Variants in MLIP observed in about 807,000 individuals in gnomAD.
MLIP encodes the protein muscular LMNA-interacting protein.
Under a neutral mutation model 84.8 loss-of-function variants are expected in MLIP, and 79 were observed. The ratio of observed to expected loss-of-function variants is 0.93; its 90% CI spans 0.78 to 1.12. The LOEUF (loss-of-function observed/expected upper bound fraction) is 1.12, where lower values mean the gene tolerates loss of function less well. MLIP is among the 50% of genes most tolerant of loss of function. MLIP has a pLI of 0.00. For missense variants in MLIP, 1,257 were observed against 1,160.6 expected (o/e 1.08, Z -1.21); for synonymous variants, 504 against 463.0 (o/e 1.09, Z -1.14).
At position 54,101,983 on chromosome 6, in the gene MLIP, C is replaced by CTA. The variant is rs568984759; in HGVS notation, c.64-19464_64-19463insTA. Among the ~76,000 whole-genome samples the CTA allele has an allele frequency of 5.9e-4, 89 of 151,988 alleles. No homozygotes were observed. In the East Asian group the frequency reaches 7.7e-3, roughly 13 times the overall value. The stretch of plus-strand genomic sequence containing the variant: ...CGAGTGTAGTTCTCCTGGGTAGGAA[C>CTA]CATATTAGAAAGAAGATCCTGGCTG... On this transcript the variant is annotated intron_variant, in intron 1 of 12. Transcript: ENST00000274897.
chr6:54,239,383 A>G (rs1208178905), intron 12 of MLIP, among the ~76,000 whole-genome samples: 2 of 146,938 alleles, frequency 1.4e-5, no homozygotes, highest in African/African-American at 5.0e-5. Context: ...TATATATATA[A>G]TATATATATA....
At chr6:54,076,445 C>T (rs1363818301) in intron 1 of MLIP, among the ~76,000 whole-genome samples, 1 of 152,198 alleles carries the variant, frequency 6.6e-6, no homozygotes, top group Non-Finnish European at 1.5e-5. Context: ...AACTGTATTG[C>T]AAAAGACTCT....
In MLIP at chr6:54,230,844, G is replaced by A. The variant is rs1582571399; in HGVS notation, c.2849G>A (p.Ser950Asn). The change falls in exon 12 of 14, where the codon AGT becomes AAT. Residue 950 changes from serine (S) to asparagine (N), a missense_variant. Ser to Asn is a conservative substitution (Grantham distance 46). Transcript: ENST00000502396. ...GACTGTCTTGCCCCAGGACCCTTCAGTCATCTGTCCTTCTCCTTGAGTGAT... is the reference window on the plus strand; with the variant it reads ...GACTGTCTTGCCCCAGGACCCTTCAATCATCTGTCCTTCTCCTTGAGTGAT... ...HADCLAPGPFSHLSFSLSDEQ... is the reference protein window; with the variant it reads ...HADCLAPGPFNHLSFSLSDEQ... 4.3e-6 allele frequency: 7 copies of A among 1,613,978 alleles called. No homozygotes were observed. Among genetic ancestry groups the A allele is most frequent in the Middle Eastern group, 3.3e-4 (2 of 6,062 alleles).
chr6:54,221,531 A>G (rs1227122891), intron 11 of MLIP, among the ~76,000 whole-genome samples: 3 of 113,190 alleles, frequency 2.7e-5, no homozygotes, highest in African/African-American at 7.8e-5. Context: ...CTTAAGCAAG[A>G]CACATAAGAC....
chr6:54,163,287 A>G (rs975265434), intron 8 of MLIP, among the ~76,000 whole-genome samples: 1 of 151,716 alleles, frequency 6.6e-6, no homozygotes, highest in Admixed American at 6.6e-5. Flanking sequence ...ATTTTCTCAG[A>G]GCAGCATATT....
chr6:54,148,100 T>C (rs1316353959), intron 4 of MLIP, among the ~76,000 whole-genome samples: 1 of 152,162 alleles, frequency 6.6e-6, no homozygotes, highest in Non-Finnish European at 1.5e-5. Flanking sequence ...TTGATGACAC[T>C]GTCTTCTGCA....
intron 4 of MLIP, among the ~76,000 whole-genome samples, chr6:54,139,578 C>T (rs189046241): frequency 9.2e-5 from 14 of 152,226 alleles, no homozygotes; most frequent in Admixed American, 2.0e-4. Context: ...GAGTCAGGAA[C>T]TATGCTAGTA....
At chr6:54,259,722 A>G (rs554339914) in intron 13 of MLIP, among the ~76,000 whole-genome samples, 29 of 152,030 alleles carry the variant, frequency 1.9e-4, no homozygotes, top group African/African-American at 7.0e-4. Flanking sequence ...GACAATACCT[A>G]TTATTAGTAA....
chr6:54,167,047 G>A (rs1456126273), intron 8 of MLIP, among the ~76,000 whole-genome samples: 3 of 151,720 alleles, frequency 2.0e-5, no homozygotes, highest in African/African-American at 2.4e-5. Context: ...AGAATATGTC[G>A]ACTATGATTA....
At chr6:54,190,354 C>T (rs1308256422) in intron 10 of MLIP, among the ~76,000 whole-genome samples, 1 of 152,106 alleles carries the variant, frequency 6.6e-6, no homozygotes, top group African/African-American at 2.4e-5. Flanking sequence ...CTGAGCAATA[C>T]AAACACAACG....
chr6:54,227,573 C>G (rs1384089854), intron 11 of MLIP, among the ~76,000 whole-genome samples: 1 of 152,118 alleles, frequency 6.6e-6, no homozygotes, highest in Non-Finnish European at 1.5e-5. Context: ...AAAAGAAATC[C>G]TGTGTGCTTC....
In MLIP at chr6:54,226,308, G is replaced by A. The variant is rs147920566; in HGVS notation, c.2719-4406G>A. ...CAGGGGACTAAGTGATGCTATAAGG[G>A]GTTAATGCCGACCCGCACTGTCTCT... On this transcript the variant is annotated intron_variant, in intron 11 of 13. Transcript: ENST00000502396. Among the ~76,000 whole-genome samples the A allele has an allele frequency of 2.0e-5, 3 of 152,242 alleles. No homozygotes were observed. The East Asian group carries it at 5.8e-4, about 29-fold the overall frequency.
chr6:54,150,475 C>T (rs150900126), intron 5 of MLIP, among the ~76,000 whole-genome samples: 92 of 152,276 alleles, frequency 6.0e-4, no homozygotes, highest in Non-Finnish European at 8.7e-4. Context: ...ACCACAGACT[C>T]TCTGCTTATT....
intron 11 of MLIP, among the ~76,000 whole-genome samples, chr6:54,221,504 A>G (rs1362595309): frequency 6.6e-6 from 1 of 151,632 alleles, no homozygotes; most frequent in Admixed American, 6.6e-5. Flanking sequence ...GGCAGGTTGA[A>G]TTCAGGCTAA....
At chr6:54,082,429 G>C (rs1276021095) in intron 1 of MLIP, among the ~76,000 whole-genome samples, 1 of 152,188 alleles carries the variant, frequency 6.6e-6, no homozygotes, top group Non-Finnish European at 1.5e-5. Flanking sequence ...CAGCATGGGT[G>C]AAACCACTCC....
intron 5 of MLIP, among the ~76,000 whole-genome samples, chr6:54,152,073 G>A (rs774090114): frequency 1.3e-5 from 2 of 152,106 alleles, no homozygotes; most frequent in Non-Finnish European, 2.9e-5. Context: ...TAAGAAGGAA[G>A]CATTTATAGC....
In MLIP at chr6:54,067,703, C is replaced by T. The variant is rs1173096555; in HGVS notation, c.63+48612C>T. Among the ~76,000 whole-genome samples the T allele has an allele frequency of 4.0e-5, 4 of 101,108 alleles. 2 individuals carry two copies. Among genetic ancestry groups the T allele is most frequent in the Non-Finnish European group, 1.1e-4 (4 of 35,090 alleles). The allele number at this position is 101,108 out of a possible 152,430, so 66.3% of individuals were successfully genotyped here. A position where few individuals can be genotyped will look rare whatever the true frequency, so the allele number is the denominator to read the frequency against. ...AGTGAATTCTGTATTTTAATATTCA[C>T]AGCACAAAGGCAGGAAAGTTAAAAG... On this transcript the variant is annotated intron_variant, in intron 1 of 12. Coordinates refer to the MLIP transcript ENST00000274897.
intron 4 of MLIP, among the ~76,000 whole-genome samples, chr6:54,141,164 A>G (rs1772262332): frequency 6.6e-6 from 1 of 152,160 alleles, no homozygotes; most frequent in South Asian, 2.1e-4. Flanking sequence ...TTCCTTTTTC[A>G]TACATAAAAT....
intron 1 of MLIP, among the ~76,000 whole-genome samples, chr6:54,041,399 A>G (rs1351309694): frequency 6.6e-6 from 1 of 152,090 alleles, no homozygotes; most frequent in African/African-American, 2.4e-5. Flanking sequence ...GTAGGTATAG[A>G]TTTTGTGTGA....
Sources: allele counts gnomAD v4.1 joint callset (sites outside exome capture counted in the v4.1 genomes callset), GRCh38; gene constraint gnomAD v4.1.1; transcripts MANE v1.5; gene names NCBI Gene and HGNC (gene_info 2026-07-23, HGNC 2026-07-21).